NDFIP1: variants seen among roughly 807,000 people sequenced by gnomAD.
NDFIP1 encodes the protein NEDD4 family-interacting protein 1.
A neutral mutation model predicts 28.8 loss-of-function variants in NDFIP1; 7 were observed. The observed-to-expected ratio is 0.24, with a 90% CI of 0.14 to 0.46. The LOEUF is 0.46. Among genes scored for constraint, NDFIP1 ranks in the 20% least tolerant of loss-of-function variants. The pLI is 0.99. For missense variants in NDFIP1, 194 were observed against 269.1 expected, an observed-to-expected ratio of 0.72 and a Z score of 1.95; for synonymous variants, 92 against 101.0, an observed-to-expected ratio of 0.91 and a Z score of 0.53.
At chr5:142,131,249 T>C (rs1440011776) in intron 1 of NDFIP1, among the ~76,000 whole-genome samples, 2 of 152,126 alleles carry the variant, frequency 1.3e-5, no homozygotes, top group Non-Finnish European at 2.9e-5. Context: ...GGATTACAGG[T>C]GTGAGCCACC....
chr5:142,134,947 T>C lies in NDFIP1; in HGVS notation c.283-783T>C, dbSNP rs140625566. ...GATCGTACTATTCTTTTTTCCCCTA[T>C]ATCAGCCTCGTAAAGCACTTGAGCT... On this transcript the variant is annotated intron_variant, in intron 3 of 7. Transcript: ENST00000253814. 5.8e-4 allele frequency among the ~76,000 whole-genome samples: 89 copies of C among 152,252 alleles called. 1 individual carries two copies. Among genetic ancestry groups the C allele is most frequent in the African/African-American group, 1.9e-3 (78 of 41,556 alleles).
chr5:142,138,590 A>C (rs541789110), intron 5 of NDFIP1, among the ~76,000 whole-genome samples: 1 of 152,170 alleles, frequency 6.6e-6, no homozygotes, highest in Non-Finnish European at 1.5e-5. Flanking sequence ...TAGTTTTTCT[A>C]CGTAGTGCCA....
At chr5:142,139,536 TA>T (rs1240608572) in intron 5 of NDFIP1, among the ~76,000 whole-genome samples, 1 of 151,732 alleles carries the variant, frequency 6.6e-6, no homozygotes, top group African/African-American at 2.4e-5. Flanking sequence ...AAGAACTATT[TA>T]AAAAAAAATT....
intron 5 of NDFIP1, chr5:142,138,067 G>T: frequency 4.5e-5 from 21 of 466,774 alleles, no homozygotes; most frequent in South Asian, 7.4e-5. Flanking sequence ...ATTGAAAACT[G>T]GTCTATCATT....
intron 1 of NDFIP1, among the ~76,000 whole-genome samples, chr5:142,120,408 T>G (rs921821695): frequency 6.6e-6 from 1 of 152,148 alleles, no homozygotes; most frequent in East Asian, 1.9e-4. Context: ...AAACAGGTTG[T>G]TTTTTGGCTT....
At chr5:142,109,191 C>T (rs1404249359) in intron 1 of NDFIP1, among the ~76,000 whole-genome samples, 154 bp downstream of exon 1, 1 of 152,114 alleles carries the variant, frequency 6.6e-6, no homozygotes, top group Non-Finnish European at 1.5e-5. Flanking sequence ...GCCCCGGGCT[C>T]GGATTCGAGG....
intron 7 of NDFIP1, among the ~76,000 whole-genome samples, chr5:142,146,175 A>G (rs2126923590): frequency 6.6e-6 from 1 of 152,104 alleles, no homozygotes; most frequent in Admixed American, 6.6e-5. Context: ...AGAAGGCTTA[A>G]ACTGCTTTTA....
intron 1 of NDFIP1, among the ~76,000 whole-genome samples, chr5:142,110,924 A>G (rs370167670): frequency 6.6e-6 from 1 of 152,160 alleles, no homozygotes; most frequent in African/African-American, 2.4e-5. Context: ...CAAAGACTCA[A>G]AGTGGCTCAG....
At chr5:142,137,603 TG>T in intron 4 of NDFIP1, 130 bp from the exon 5 acceptor site, 1 of 1,006,110 alleles carries the variant, frequency 9.9e-7, no homozygotes, top group Non-Finnish European at 1.5e-6. Context: ...AGAGGAGGTA[TG>T]GTGACGGTTG....
chr5:142,117,430 A>AG (rs1429752324), intron 1 of NDFIP1, among the ~76,000 whole-genome samples: 1 of 151,584 alleles, frequency 6.6e-6, no homozygotes, highest in Non-Finnish European at 1.5e-5. Flanking sequence ...TTTTTAGCAG[A>AG]GGGGGTTTCA....
At chr5:142,133,253 G>A (rs905669846) in intron 3 of NDFIP1, among the ~76,000 whole-genome samples, 3 of 152,188 alleles carry the variant, frequency 2.0e-5, no homozygotes, top group African/African-American at 7.2e-5. Flanking sequence ...TGGCGATGAT[G>A]TGCATTCAGT....
intron 1 of NDFIP1, among the ~76,000 whole-genome samples, chr5:142,115,536 C>G (rs922122738): frequency 1.3e-5 from 2 of 152,126 alleles, no homozygotes; most frequent in African/African-American, 4.8e-5. Context: ...CTGCCCGCCT[C>G]GGTCTCCCAA....
intron 1 of NDFIP1, among the ~76,000 whole-genome samples, chr5:142,129,892 C>G (rs1052224543): frequency 1.5e-5 from 1 of 67,746 alleles, no homozygotes; most frequent in African/African-American, 6.6e-5. Context: ...GCCTGGGCAA[C>G]AAAAGCGAAA....
intron 7 of NDFIP1, among the ~76,000 whole-genome samples, chr5:142,149,857 A>G (rs774072184): frequency 2.0e-5 from 3 of 152,092 alleles, no homozygotes; most frequent in Non-Finnish European, 4.4e-5. Flanking sequence ...GTTTTGACCT[A>G]CTAGTCACTG....
chr5:142,137,628 G>A, intron 4 of NDFIP1, 106 bp from the exon 5 acceptor site: 1 of 1,318,172 alleles, frequency 7.6e-7, no homozygotes, highest in South Asian at 1.5e-5. Flanking sequence ...AGGACAGGCT[G>A]TCTTTTATCC....
chr5:142,116,214 A>G (rs2126910539), intron 1 of NDFIP1, among the ~76,000 whole-genome samples: 2 of 152,318 alleles, frequency 1.3e-5, no homozygotes, highest in Middle Eastern at 6.8e-3. Context: ...TGAATAACAT[A>G]ATTTATATTA....
intron 2 of NDFIP1, 61 bp downstream of exon 2, chr5:142,131,956 A>C (rs754177734): frequency 3.4e-5 from 48 of 1,412,476 alleles, no homozygotes; most frequent in Non-Finnish European, 4.1e-5. Context: ...TTGACATTAC[A>C]GTTTAAAAAA....
At chr5:142,117,260 T>G (rs1218932697) in intron 1 of NDFIP1, among the ~76,000 whole-genome samples, 1 of 151,442 alleles carries the variant, frequency 6.6e-6, no homozygotes, top group Non-Finnish European at 1.5e-5. Flanking sequence ...TTTTTTTTTT[T>G]TTGAGACGGA....
At chr5:142,118,861 G>A (rs1394209174) in intron 1 of NDFIP1, among the ~76,000 whole-genome samples, 1 of 151,854 alleles carries the variant, frequency 6.6e-6, no homozygotes, top group Non-Finnish European at 1.5e-5. Context: ...CCATCATTGT[G>A]GATTTTTTTT....
Sources: allele counts gnomAD v4.1 joint callset (sites outside exome capture counted in the v4.1 genomes callset), GRCh38; gene constraint gnomAD v4.1.1; transcripts MANE v1.5; gene names NCBI Gene and HGNC (gene_info 2026-07-23, HGNC 2026-07-21).